The following DKK3 variants were observed in gnomAD, a reference collection of about 807,000 sequenced individuals.
DKK3 encodes the protein dickkopf Wnt signaling pathway inhibitor 3, also known as dickkopf-related protein 3.
A neutral mutation model predicts 33.2 loss-of-function variants in DKK3; 22 were observed. The observed-to-expected ratio is 0.66, with a 90% confidence interval of 0.47 to 0.95. The LOEUF is 0.95. Ranked by LOEUF, DKK3 falls within the 40% of genes least tolerant of loss-of-function variation. The probability of loss-of-function intolerance (pLI) is 0.00; values close to 1 mark genes in which losing one functional copy is unlikely to be tolerated. For missense variants in DKK3, 398 were observed against 458.4 expected (o/e 0.87, Z 1.20); for synonymous variants, 194 against 188.8 (o/e 1.03, Z -0.23).
chr11:11,974,035 A>G (rs1017948908), intron 3 of DKK3, among the ~76,000 whole-genome samples: 1 of 152,212 alleles, frequency 6.6e-6, no homozygotes, highest in Non-Finnish European at 1.5e-5. Flanking sequence ...CCGGAGGCCC[A>G]AAGGAAGAGG....
intron 2 of DKK3, among the ~76,000 whole-genome samples, chr11:11,999,984 C>T (rs1590551910): frequency 6.6e-6 from 1 of 152,146 alleles, no homozygotes; most frequent in South Asian, 2.1e-4. Flanking sequence ...CTTATGCCAG[C>T]TTTTTATAGA....
intron 3 of DKK3, among the ~76,000 whole-genome samples, chr11:11,969,946 G>C (rs1166223289): frequency 1.3e-5 from 2 of 152,218 alleles, no homozygotes; most frequent in Non-Finnish European, 2.9e-5. Context: ...GTGAACGGCC[G>C]CCCAAGTGAA....
chr11:11,988,462 G>A (rs1481688683), intron 3 of DKK3, among the ~76,000 whole-genome samples: 1 of 152,216 alleles, frequency 6.6e-6, no homozygotes, highest in Non-Finnish European at 1.5e-5. Context: ...CTCTGACCCT[G>A]GAAGAGGAGA....
intron 3 of DKK3, among the ~76,000 whole-genome samples, chr11:11,984,951 T>C (rs1170838190): frequency 1.3e-5 from 2 of 152,202 alleles, no homozygotes; most frequent in Non-Finnish European, 2.9e-5. Flanking sequence ...ACTTTTCAAG[T>C]TGAATCGTTT....
At chr11:11,998,040 G>C (rs1004378485) in intron 3 of DKK3, among the ~76,000 whole-genome samples, 2 of 152,220 alleles carry the variant, frequency 1.3e-5, no homozygotes, top group Non-Finnish European at 2.9e-5. Flanking sequence ...ATGAAGTGCA[G>C]TTGAGCCACC....
At chr11:11,997,466 T>C (rs931805442) in intron 3 of DKK3, among the ~76,000 whole-genome samples, 2 of 152,180 alleles carry the variant, frequency 1.3e-5, no homozygotes, top group African/African-American at 4.8e-5. Context: ...GAAGCTGGCC[T>C]CTCTTCCATC....
Position 11,968,465 on chromosome 11 carries a change from C to T in DKK3, c.458G>A (p.Cys153Tyr). 1.2e-6 allele frequency: 2 copies of T among 1,613,350 alleles called. No individual in the cohort carries two copies. The highest frequency in any genetic ancestry group is 2.2e-5 in the South Asian group (2 of 90,986). The change falls in exon 4 of 7, where the codon TGT becomes TAT. Residue 153 changes from cysteine to tyrosine, a missense_variant. By Grantham distance (194) the Cys-to-Tyr change is radical (BLOSUM62 -2). Coordinates refer to ENST00000683431, the MANE Select transcript of DKK3 (RefSeq NM_001018057.2). ...AAACTGGCAGTACATGCTGGGCCCA[C>T]AGTCCTCGTCGATGATGCACTCCTG... ...RSHECIIDED[C>Y]GPSMYCQFAS...
rs61751347 is a variant in DKK3 at position 11,965,871 on chromosome 11, T to C, written c.768A>G (p.Leu256=). Residue 256 remains leucine, a synonymous_variant, in exon 6 of 7, where the codon CTA becomes CTG. Coordinates refer to ENST00000683431, the MANE Select transcript of DKK3 (RefSeq NM_001018057.2). ...ATCGGTCCAAGGCTCCATCAGGCTC[T>C]AGCTCCCAGGTGATGAGGTCCAGAA... ...SRLLDLITWE[L]EPDGALDRCP... is the part of the protein sequence containing the mutation. The C allele has an allele frequency of 4.2e-3, 6,859 of 1,614,176 alleles. 23 individuals carry two copies. The highest frequency in any genetic ancestry group is 5.2e-3 in the Non-Finnish European group (6,127 of 1,180,036).
rs779563923 is a variant in DKK3, at chr11:11,968,425, G to A, written c.498C>T (p.Tyr166=). The A allele has an allele frequency of 8.7e-6, 14 of 1,613,336 alleles. No homozygotes were observed. In the East Asian group the frequency reaches 2.2e-4, roughly 26 times the overall value. ...TCTGGCCCCGGCATGGCTGGCAGGT[G>A]TACTGGAAGCTGGCAAACTGGCAGT... ...SMYCQFASFQ[Y]TCQPCRGQRM... is the part of the protein sequence containing the mutation. The change falls in exon 4 of 7, where the codon TAC becomes TAT. Residue 166 remains tyrosine (Y), a synonymous_variant. Transcript: ENST00000683431.
At chr11:11,973,687 C>G in intron 3 of DKK3, among the ~76,000 whole-genome samples, 1 of 152,202 alleles carries the variant, frequency 6.6e-6, no homozygotes, top group East Asian at 1.9e-4. Context: ...GAGGGCTGAC[C>G]GGGAACACAG....
In DKK3 at chr11:12,002,430, G is replaced by A; in HGVS notation, c.221C>T (p.Ala74Val). 1.2e-6 allele frequency: 2 copies of A among 1,612,354 alleles called. No individual in the cohort carries two copies. Among genetic ancestry groups the A allele is most frequent in the Non-Finnish European group, 8.5e-7 (1 of 1,179,320 alleles). Residue 74 changes from alanine (A) to valine (V), a missense_variant, in exon 2 of 7, where the codon GCA (alanine) becomes GTA (valine). Coordinates refer to ENST00000683431, the MANE Select transcript of DKK3 (RefSeq NM_001018057.2). ...KLRSAVEEME[A>V]EEAAAKASSE... is the part of the protein sequence containing the mutation. ...TGATGCTTTAGCAGCAGCTTCTTCT[G>A]CCTCCATCTATTAAATCGATGAATT... is the stretch of plus-strand genomic sequence containing the variant.
intron 5 of DKK3, 148 bp downstream of exon 5, chr11:11,966,806 G>T: frequency 1.8e-6 from 2 of 1,091,146 alleles, no homozygotes; most frequent in Non-Finnish European, 2.6e-6. Flanking sequence ...GAGGCTGTGG[G>T]AGTGCAGCAC....
chr11:11,983,114 T>C (rs1425362840), intron 3 of DKK3, among the ~76,000 whole-genome samples: 2 of 152,314 alleles, frequency 1.3e-5, no homozygotes, highest in East Asian at 1.9e-4. Context: ...CACTACCCCG[T>C]CCTTGGGGAT....
chr11:12,001,749 A>G (rs1186190007), intron 2 of DKK3: 1 of 152,378 alleles, frequency 6.6e-6, no homozygotes, highest in East Asian at 1.9e-4. Flanking sequence ...AGGCACTCAG[A>G]CAGGTGGTAG....
chr11:11,968,619 TC>T, intron 3 of DKK3, 132 bp from the exon 4 acceptor site: 1 of 770,774 alleles, frequency 1.3e-6, no homozygotes, highest in Non-Finnish European at 2.0e-6. Flanking sequence ...AGGAAAGGCC[TC>T]CAGACTCTAG....
chr11:11,982,059 G>A (rs192922442), intron 3 of DKK3, among the ~76,000 whole-genome samples: 3 of 152,242 alleles, frequency 2.0e-5, no homozygotes, highest in Admixed American at 6.5e-5. Flanking sequence ...CATTGCCCCC[G>A]GTGATGCTGG....
chr11:11,973,634 G>A (rs955745352), intron 3 of DKK3, among the ~76,000 whole-genome samples: 2 of 152,188 alleles, frequency 1.3e-5, no homozygotes, highest in African/African-American at 2.4e-5. Flanking sequence ...TTGTTGTCCC[G>A]AGGAGGGAAC....
intron 3 of DKK3, among the ~76,000 whole-genome samples, chr11:11,993,400 T>C (rs760249503): frequency 2.0e-5 from 3 of 152,130 alleles, no homozygotes; most frequent in Non-Finnish European, 4.4e-5. Context: ...TAATGTTTGA[T>C]TGAAGACAAC....
Position 11,963,543 on chromosome 11 carries a change from A to G in DKK3, c.*921T>C, listed in dbSNP as rs1847507738. ...CAATATCATTGTCTTCATTAGAAGG[A>G]CGGCTGCCCCACACTGTGAGAACAC... On this transcript the variant is annotated 3_prime_UTR_variant, in exon 7 of 7. Coordinates refer to ENST00000683431, the MANE Select transcript of DKK3 (RefSeq NM_001018057.2). 2.0e-5 allele frequency: 3 copies of G among 152,350 alleles called. No individual in the cohort carries two copies. Among genetic ancestry groups the G allele is most frequent in the Admixed American group, 6.5e-5 (1 of 15,302 alleles). The allele number at this position is 152,350 out of a possible 1,614,324, so 9.4% of individuals were successfully genotyped here.
Sources: allele counts gnomAD v4.1 joint callset (sites outside exome capture counted in the v4.1 genomes callset), GRCh38; gene constraint gnomAD v4.1.1; transcripts MANE v1.5; gene names NCBI Gene and HGNC (gene_info 2026-07-23, HGNC 2026-07-21).